The following DPP10 variants were observed in gnomAD, a reference collection of about 807,000 sequenced individuals.
DPP10 encodes the protein dipeptidyl peptidase like 10, also known as inactive dipeptidyl peptidase 10.
In DPP10, 33 loss-of-function variants were observed where a neutral mutation model predicts 120.9. The ratio of observed to expected loss-of-function variants is 0.27; its 90% CI spans 0.21 to 0.37. The LOEUF (loss-of-function observed/expected upper bound fraction) is 0.37, where lower values mean the gene tolerates loss of function less well. Ranked by LOEUF, DPP10 falls within the 10% of genes least tolerant of loss-of-function variation. The pLI is 1.00. For synonymous variants in DPP10, 337 were observed against 326.1 expected (o/e 1.03, Z -0.36); for missense variants, 816 against 942.8 (o/e 0.87, Z 1.76).
At chr2:115,176,335 TATA>T (rs1401640275) in intron 1 of DPP10, among the ~76,000 whole-genome samples, 4 of 148,028 alleles carry the variant, frequency 2.7e-5, no homozygotes, top group Admixed American at 6.8e-5. Flanking sequence ...ATTTTATATT[TATA>T]ATATTTATAT....
At chr2:115,133,139 G>GTA (rs2050450036) in intron 1 of DPP10, among the ~76,000 whole-genome samples, 4 of 67,290 alleles carry the variant, frequency 5.9e-5, no homozygotes, top group Non-Finnish European at 5.1e-5. Flanking sequence ...GTGTGTGTGT[G>GTA]TGTGTGTATA....
At chr2:114,575,158 G>A (rs940632170) in intron 1 of DPP10, among the ~76,000 whole-genome samples, 9 of 152,048 alleles carry the variant, frequency 5.9e-5, no homozygotes, top group African/African-American at 9.7e-5. Context: ...GGATTTCATC[G>A]GTAAGAGTGA....
At chr2:115,833,142 T>C (rs185659056) in intron 21 of DPP10, among the ~76,000 whole-genome samples, 6 of 152,264 alleles carry the variant, frequency 3.9e-5, no homozygotes, top group African/African-American at 1.4e-4. Context: ...GAAACTGAGA[T>C]AAATAAAATA....
chr2:114,949,924 G>C (rs1460640018), intron 1 of DPP10, among the ~76,000 whole-genome samples: 1 of 152,086 alleles, frequency 6.6e-6, no homozygotes, highest in Non-Finnish European at 1.5e-5. Context: ...CAAATTCCTT[G>C]TTTCTCTGTG....
intron 1 of DPP10, among the ~76,000 whole-genome samples, chr2:115,260,013 A>G (rs1420745802): frequency 1.3e-5 from 2 of 151,484 alleles, no homozygotes; most frequent in African/African-American, 4.8e-5. Context: ...TAAAAATGAT[A>G]TGTTTAAAAA....
chr2:115,157,318 A>C (rs1209707630), intron 1 of DPP10, among the ~76,000 whole-genome samples: 8 of 151,762 alleles, frequency 5.3e-5, no homozygotes, highest in African/African-American at 1.5e-4. Flanking sequence ...CAATATCTTC[A>C]GGTCTCCAGA....
intron 7 of DPP10, among the ~76,000 whole-genome samples, chr2:115,719,604 A>G (rs2092592845): frequency 6.6e-6 from 1 of 152,216 alleles, no homozygotes; most frequent in Non-Finnish European, 1.5e-5. Context: ...AACTGGACAC[A>G]CAGAATTTAT....
intron 1 of DPP10, among the ~76,000 whole-genome samples, chr2:114,469,004 T>G (rs1189548792): frequency 6.6e-6 from 1 of 152,144 alleles, no homozygotes; most frequent in Non-Finnish European, 1.5e-5. Context: ...GATGCAGAAG[T>G]TGACAGAGAT....
intron 1 of DPP10, among the ~76,000 whole-genome samples, chr2:115,187,164 G>A (rs1350508319): frequency 1.3e-5 from 2 of 148,902 alleles, no homozygotes; most frequent in Non-Finnish European, 3.0e-5. Flanking sequence ...AGCCTCCTGA[G>A]TAGCTGCGAC....
chr2:115,199,215 A>G (rs550290260), intron 1 of DPP10, among the ~76,000 whole-genome samples: 2 of 152,166 alleles, frequency 1.3e-5, no homozygotes, highest in African/African-American at 4.8e-5. Flanking sequence ...TGATAATCCT[A>G]TTTGCCCATT....
At chr2:115,346,227 C>A (rs2063704907) in intron 3 of DPP10, among the ~76,000 whole-genome samples, 2 of 152,138 alleles carry the variant, frequency 1.3e-5, no homozygotes, top group Non-Finnish European at 1.5e-5. Context: ...GGATGTGTAA[C>A]CTTGGCCTCA....
chr2:115,700,759 C>T (rs2091850997), intron 7 of DPP10, among the ~76,000 whole-genome samples: 1 of 151,964 alleles, frequency 6.6e-6, no homozygotes, highest in Non-Finnish European at 1.5e-5. Context: ...AAAGTCAACA[C>T]AGAGAAATCA....
intron 1 of DPP10, among the ~76,000 whole-genome samples, chr2:114,450,742 AG>A (rs1678219136): frequency 6.6e-6 from 1 of 151,222 alleles, no homozygotes; most frequent in African/African-American, 2.4e-5. Context: ...AAAAAAAAAA[AG>A]GTTTTGCATT....
At chr2:115,767,531 AATAT>A (rs967932447) in intron 12 of DPP10, among the ~76,000 whole-genome samples, 9 of 151,018 alleles carry the variant, frequency 6.0e-5, no homozygotes, top group African/African-American at 2.0e-4. Context: ...TATATACATA[AATAT>A]ATATAGTGTG....
intron 1 of DPP10, among the ~76,000 whole-genome samples, chr2:114,750,624 C>T (rs1558701883): frequency 6.6e-6 from 1 of 152,212 alleles, no homozygotes; most frequent in South Asian, 2.1e-4. Flanking sequence ...TGAGCCACCG[C>T]TCCCAGCCAC....
intron 3 of DPP10, among the ~76,000 whole-genome samples, chr2:115,447,622 A>G (rs1471288541): frequency 6.6e-6 from 1 of 151,946 alleles, no homozygotes; most frequent in Admixed American, 6.6e-5. Context: ...TTCTCATAGG[A>G]TCTGATGGTT....
chr2:114,731,148 A>T (rs1676873390), intron 1 of DPP10, among the ~76,000 whole-genome samples: 2 of 148,630 alleles, frequency 1.3e-5, no homozygotes, highest in Middle Eastern at 3.6e-3. Context: ...CAGCCTCGTT[A>T]CTCCTGGACG....
chr2:114,714,927 TTGA>T (rs1701257504), intron 1 of DPP10, among the ~76,000 whole-genome samples: 2 of 152,184 alleles, frequency 1.3e-5, no homozygotes, highest in East Asian at 3.9e-4. Flanking sequence ...GAGAAAAACA[TTGA>T]TCCTGTTTCA....
intron 5 of DPP10, chr2:115,579,577 T>C (rs2081896190): frequency 6.6e-6 from 1 of 152,198 alleles, no homozygotes; most frequent in South Asian, 2.1e-4. Flanking sequence ...AGTGCAGAAC[T>C]TAAGAATTTG....
Sources: allele counts gnomAD v4.1 joint callset (sites outside exome capture counted in the v4.1 genomes callset), GRCh38; gene constraint gnomAD v4.1.1; transcripts MANE v1.5; gene names NCBI Gene and HGNC (gene_info 2026-07-23, HGNC 2026-07-21).